Variants in RGS6 observed in about 807,000 individuals in gnomAD.
RGS6 encodes regulator of G protein signaling 6, also known as regulator of G-protein signaling 6.
In RGS6, 30 loss-of-function variants were observed where a neutral mutation model predicts 78.5. That is an observed-to-expected ratio of 0.38 (90% confidence interval 0.29 to 0.52). The LOEUF is 0.52. Among genes scored for constraint, RGS6 ranks in the 20% least tolerant of loss-of-function variants. The pLI is 0.85. For synonymous variants in RGS6, 206 were observed against 206.0 expected, an observed-to-expected ratio of 1.00 and a Z score of 0.00; for missense variants, 495 against 609.7, an observed-to-expected ratio of 0.81 and a Z score of 1.98.
chr14:72,078,661 A>G (rs373610297), intron 2 of RGS6, among the ~76,000 whole-genome samples: 128 of 152,056 alleles, frequency 8.4e-4, no homozygotes, highest in African/African-American at 2.7e-3. Flanking sequence ...CAGGTGATCC[A>G]CCTGCCTTGG....
intron 2 of RGS6, among the ~76,000 whole-genome samples, chr14:72,074,288 CTA>C (rs1356404333): frequency 6.6e-6 from 1 of 152,194 alleles, no homozygotes; most frequent in South Asian, 2.1e-4. Context: ...CCTCAAACTT[CTA>C]GACTCAAGGG....
intron 2 of RGS6, among the ~76,000 whole-genome samples, chr14:72,081,686 C>G (rs2094830914): frequency 6.6e-6 from 1 of 151,936 alleles, no homozygotes; most frequent in Non-Finnish European, 1.5e-5. Context: ...TAGAATATGT[C>G]CAGATGTCTT....
intron 2 of RGS6, among the ~76,000 whole-genome samples, chr14:72,164,001 A>C (rs956805502): frequency 6.6e-5 from 10 of 152,194 alleles, no homozygotes; most frequent in African/African-American, 2.2e-4. Context: ...AGAGGAAGGT[A>C]TGCAAAGGGA....
intron 2 of RGS6, among the ~76,000 whole-genome samples, chr14:72,233,655 C>A (rs1419340548): frequency 2.0e-5 from 3 of 152,292 alleles, no homozygotes; most frequent in African/African-American, 7.2e-5. Flanking sequence ...GTGTGTTTGG[C>A]AGGGCTGGTT....
the RGS6 span, among the ~76,000 whole-genome samples, chr14:72,623,051 G>A: frequency 1.3e-5 from 2 of 152,172 alleles, no homozygotes; most frequent in Non-Finnish European, 2.9e-5. Flanking sequence ...GATATTCAGA[G>A]AAAACAAGCA....
intron 1 of RGS6, among the ~76,000 whole-genome samples, chr14:71,937,501 C>G (rs944695731): frequency 1.3e-5 from 2 of 152,224 alleles, no homozygotes; most frequent in African/African-American, 4.8e-5. Flanking sequence ...TGCCCCAGCC[C>G]TGCAAAGTAT....
chr14:72,230,550 A>AGC (rs1389849029), intron 2 of RGS6, among the ~76,000 whole-genome samples: 1 of 152,206 alleles, frequency 6.6e-6, no homozygotes, highest in Non-Finnish European at 1.5e-5. Context: ...GATTCTCCAG[A>AGC]GACACAGTAG....
chr14:72,190,589 G>C (rs950384536), intron 2 of RGS6, among the ~76,000 whole-genome samples: 1 of 152,190 alleles, frequency 6.6e-6, no homozygotes. Context: ...GCTACACCTG[G>C]ACAGAGACAG....
At chr14:71,912,695 A>T in the RGS6 span, among the ~76,000 whole-genome samples, 1 of 152,068 alleles carries the variant, frequency 6.6e-6, no homozygotes, top group Non-Finnish European at 1.5e-5. Context: ...TGGTCCCACC[A>T]CTCCAACTGG....
intron 2 of RGS6, among the ~76,000 whole-genome samples, chr14:72,144,389 T>C (rs1443968176): frequency 3.3e-5 from 5 of 152,210 alleles, no homozygotes; most frequent in Non-Finnish European, 5.9e-5. Flanking sequence ...TTTCCCCCGA[T>C]GAATGTTACC....
intron 2 of RGS6, among the ~76,000 whole-genome samples, chr14:72,295,891 C>T (rs1441248022): frequency 1.3e-5 from 2 of 152,240 alleles, no homozygotes; most frequent in African/African-American, 2.4e-5. Flanking sequence ...GGTACATTTA[C>T]ATACAGTGAA....
At chr14:72,142,665 G>A (rs2096556237) in intron 2 of RGS6, among the ~76,000 whole-genome samples, 1 of 152,296 alleles carries the variant, frequency 6.6e-6, no homozygotes, top group Middle Eastern at 3.4e-3. Context: ...TAAACAACTA[G>A]CCTTTGTAGT....
chr14:71,921,074 T>G, the RGS6 span, among the ~76,000 whole-genome samples: 4 of 152,038 alleles, frequency 2.6e-5, no homozygotes, highest in Non-Finnish European at 4.4e-5. Flanking sequence ...AAAGAAGACA[T>G]AAAAATAGCC....
intron 2 of RGS6, among the ~76,000 whole-genome samples, chr14:72,138,449 G>GT (rs71448384): frequency 0.15 from 12,885 of 86,458 alleles, 1,054 homozygotes; most frequent in Non-Finnish European, 0.18. Context: ...ACCTGTACCT[G>GT]TTTTTTTTTT....
intron 2 of RGS6, among the ~76,000 whole-genome samples, chr14:72,066,721 A>C (rs11624379): frequency 1.7e-4 from 26 of 152,200 alleles, no homozygotes; most frequent in African/African-American, 5.8e-4. Context: ...CAGGAAAAAA[A>C]ATACAGTTTC....
At chr14:72,225,047 C>T (rs1481176749) in intron 2 of RGS6, among the ~76,000 whole-genome samples, 1 of 152,172 alleles carries the variant, frequency 6.6e-6, no homozygotes, top group Non-Finnish European at 1.5e-5. Flanking sequence ...CCTAGATGCC[C>T]CATTCACTCA....
chr14:71,971,269 G>A (rs1394594767), intron 2 of RGS6, among the ~76,000 whole-genome samples: 1 of 152,192 alleles, frequency 6.6e-6, no homozygotes, highest in East Asian at 1.9e-4. Flanking sequence ...CTGGGTTTCA[G>A]TTGGGTTTGG....
intron 2 of RGS6, among the ~76,000 whole-genome samples, chr14:72,325,857 A>G (rs1460383287): frequency 6.6e-6 from 1 of 152,204 alleles, no homozygotes; most frequent in Non-Finnish European, 1.5e-5. Context: ...AGCCTGCCAG[A>G]TTTCACATTG....
At chr14:72,339,705 C>T (rs1409625213) in intron 2 of RGS6, among the ~76,000 whole-genome samples, 1 of 152,180 alleles carries the variant, frequency 6.6e-6, no homozygotes, top group African/African-American at 2.4e-5. Flanking sequence ...AGGAACAGCA[C>T]TCTGATGTCA....
Sources: allele counts gnomAD v4.1 joint callset (sites outside exome capture counted in the v4.1 genomes callset), GRCh38; gene constraint gnomAD v4.1.1; transcripts MANE v1.5; gene names NCBI Gene and HGNC (gene_info 2026-07-23, HGNC 2026-07-21).